PGPEP1L: variants seen among roughly 807,000 people sequenced by gnomAD.
PGPEP1L encodes pyroglutamyl-peptidase 1-like protein.
PGPEP1L carries 7 observed loss-of-function variants against 6.0 expected under a neutral mutation model. The ratio of observed to expected loss-of-function variants is 1.17; its 90% confidence interval spans 0.66 to 2.19. The LOEUF (loss-of-function observed/expected upper bound fraction) is 2.19, where lower values mean the gene tolerates loss of function less well. Among genes scored for constraint, PGPEP1L ranks in the 30% most tolerant of loss-of-function variants. PGPEP1L has a pLI of 0.00. For missense variants in PGPEP1L, 209 were observed against 192.5 expected (o/e 1.09, Z -0.51); for synonymous variants, 103 against 83.9 (o/e 1.23, Z -1.24).
intron 2 of PGPEP1L, among the ~76,000 whole-genome samples, chr15:98,978,226 G>A (rs1037846779): frequency 6.6e-6 from 1 of 152,234 alleles, no homozygotes; most frequent in Non-Finnish European, 1.5e-5. Context: ...CCTGATGAAA[G>A]AGAAGGCGCT....
At chr15:98,986,961 G>A (rs1293053442) in intron 2 of PGPEP1L, among the ~76,000 whole-genome samples, 2 of 152,022 alleles carry the variant, frequency 1.3e-5, no homozygotes, top group Admixed American at 6.5e-5. Context: ...GAGGTCAGGA[G>A]ATGGAGACCA....
intron 2 of PGPEP1L, among the ~76,000 whole-genome samples, chr15:99,002,379 G>A (rs528456128): frequency 1.8e-4 from 27 of 152,238 alleles, no homozygotes; most frequent in African/African-American, 4.3e-4. Context: ...GGGAGGAAGC[G>A]GGTGGGTGTG....
intron 2 of PGPEP1L, among the ~76,000 whole-genome samples, chr15:98,977,640 G>A (rs2017589643): frequency 2.0e-5 from 3 of 151,480 alleles, no homozygotes; most frequent in South Asian, 2.1e-4. Context: ...ATGCACATAT[G>A]AGAGTGTGTT....
At chr15:98,978,710 A>G (rs764734670) in intron 2 of PGPEP1L, among the ~76,000 whole-genome samples, 5 of 36,410 alleles carry the variant, frequency 1.4e-4, no homozygotes, top group East Asian at 1.2e-3. Context: ...GACTGTGTAT[A>G]TATATATATA....
chr15:98,974,395 AAAAAT>A (rs1383725258), intron 2 of PGPEP1L, among the ~76,000 whole-genome samples: 30 of 152,154 alleles, frequency 2.0e-4, no homozygotes, highest in South Asian at 1.0e-3. Flanking sequence ...AAATAAAAAT[AAAAAT>A]AAAATAAATT....
intron 3 of PGPEP1L, among the ~76,000 whole-genome samples, chr15:98,970,614 G>A (rs971802111): frequency 2.6e-5 from 4 of 151,932 alleles, no homozygotes; most frequent in East Asian, 1.9e-4. Context: ...AAATGGGCTC[G>A]TGCTATGAAG....
chr15:99,007,092 C>T (rs533540067), intron 1 of PGPEP1L, among the ~76,000 whole-genome samples: 2 of 152,312 alleles, frequency 1.3e-5, no homozygotes, highest in African/African-American at 2.4e-5. Context: ...GGATTCTGAA[C>T]CAGGAACAAT....
intron 2 of PGPEP1L, among the ~76,000 whole-genome samples, chr15:98,990,266 T>C (rs936682948): frequency 1.3e-5 from 2 of 151,400 alleles, no homozygotes; most frequent in African/African-American, 4.9e-5. Flanking sequence ...GATGGAGGAA[T>C]ATTTACCAAC....
intron 2 of PGPEP1L, among the ~76,000 whole-genome samples, chr15:98,994,374 C>G (rs1555472316): frequency 6.6e-6 from 1 of 152,106 alleles, no homozygotes; most frequent in African/African-American, 2.4e-5. Flanking sequence ...AAGCTACTGG[C>G]CCGGCGTGGT....
intron 2 of PGPEP1L, among the ~76,000 whole-genome samples, chr15:98,980,349 GA>G (rs1381415279): frequency 1.3e-5 from 2 of 152,138 alleles, no homozygotes; most frequent in Non-Finnish European, 2.9e-5. Context: ...GAGGGGGGAG[GA>G]AAAGGTTTCA....
chr15:98,980,172 A>C (rs891194344), intron 2 of PGPEP1L, among the ~76,000 whole-genome samples: 3 of 152,166 alleles, frequency 2.0e-5, no homozygotes, highest in Admixed American at 6.5e-5. Context: ...GTTCCCCAAA[A>C]ACTTATGAAA....
At chr15:98,996,524 ATGTGTG>A (rs58220323) in intron 2 of PGPEP1L, among the ~76,000 whole-genome samples, 24,894 of 151,588 alleles carry the variant, frequency 0.16, 2,270 homozygotes, top group East Asian at 0.35. Context: ...ATATAGGGGT[ATGTGTG>A]TGTGTGTGTG....
intron 2 of PGPEP1L, among the ~76,000 whole-genome samples, chr15:99,000,387 G>C (rs922280340): frequency 1.3e-5 from 2 of 152,208 alleles, no homozygotes; most frequent in Non-Finnish European, 2.9e-5. Flanking sequence ...TGAGGAGTGC[G>C]GGCACATGGC....
chr15:99,006,645 G>A (rs72754835), intron 1 of PGPEP1L, among the ~76,000 whole-genome samples: 15,436 of 152,194 alleles, frequency 0.1, 900 homozygotes, highest in African/African-American at 0.14. Flanking sequence ...CCTGGGCAAC[G>A]TGGCAAGACT....
chr15:98,968,295 C>T lies in PGPEP1L; in HGVS notation c.*183G>A. On this transcript the variant is annotated 3_prime_UTR_variant, in exon 5 of 5. Coordinates refer to ENST00000535714, the MANE Select transcript of PGPEP1L (RefSeq NM_001167902.2). Reference sequence around the variant, plus strand: ...AGCTAGTTCATCCCCTGTGAAATGTCCACCTTTCAGAGTGTTCTTTCTCCT... The same window carrying T: ...AGCTAGTTCATCCCCTGTGAAATGTTCACCTTTCAGAGTGTTCTTTCTCCT... 1.6e-6 allele frequency: 1 copy of T among 623,632 alleles called. No individual in the cohort carries two copies. The highest frequency in any genetic ancestry group is 1.8e-5 in the African/African-American group (1 of 54,480). The allele number at this position is 623,632 out of a possible 1,614,324, so 38.6% of individuals were successfully genotyped here.
chr15:99,003,780 C>T (rs2151767611), intron 2 of PGPEP1L, among the ~76,000 whole-genome samples: 1 of 147,856 alleles, frequency 6.8e-6, no homozygotes, highest in South Asian at 2.1e-4. Context: ...CACAGGCTGA[C>T]AAGACAAAGG....
intron 2 of PGPEP1L, among the ~76,000 whole-genome samples, chr15:98,971,648 CA>C (rs2017499130): frequency 6.6e-6 from 1 of 152,136 alleles, no homozygotes; most frequent in Non-Finnish European, 1.5e-5. Flanking sequence ...ACCTGTCTTA[CA>C]AATCTAAAGG....
intron 2 of PGPEP1L, among the ~76,000 whole-genome samples, chr15:98,975,086 GAAT>G (rs1484610033): frequency 2.0e-5 from 3 of 152,176 alleles, no homozygotes; most frequent in African/African-American, 7.2e-5. Flanking sequence ...ATGAATGAAT[GAAT>G]GAATGGATAC....
In PGPEP1L at chr15:98,971,124, ACT is replaced by A. The variant is rs1567234042; in HGVS notation, c.-109_-108del. On this transcript the variant is annotated 5_prime_UTR_variant, in exon 3 of 5. The change abolishes the stop of an existing upstream ORF in the 5' untranslated region. Transcript: ENST00000535714. Reference sequence around the variant, plus strand: ...CAGCTCCAGAGTCCGCAGCTGCACCACTGTTTCATTCCCCAGGCCCAGCTTGG... The same window carrying A: ...CAGCTCCAGAGTCCGCAGCTGCACCAGTTTCATTCCCCAGGCCCAGCTTGG... 1.3e-6 allele frequency: 2 copies of A among 1,560,892 alleles called. No homozygotes were observed. Among genetic ancestry groups the A allele is most frequent in the Admixed American group, 3.5e-5 (2 of 57,598 alleles).
Sources: gnomAD v4.1 joint callset for allele counts (sites outside exome capture counted in the v4.1 genomes callset) on GRCh38, gnomAD v4.1.1 for gene constraint, MANE v1.5 for transcripts, NCBI Gene and HGNC (gene_info 2026-07-23, HGNC 2026-07-21) for gene names.